SON: variants seen among roughly 807,000 people sequenced by gnomAD.
SON encodes protein SON.
Under a neutral mutation model 173.3 loss-of-function variants are expected in SON, and 4 were observed. The observed-to-expected ratio is 0.02, with a 90% CI of 0.01 to 0.05. The LOEUF is 0.05. SON is among the 10% of genes least tolerant of loss of function. The pLI, the probability that SON is intolerant of heterozygous loss-of-function variation, is 1.00. For missense variants in SON, 2,626 were observed against 3,055.3 expected (o/e 0.86, Z 3.31); for synonymous variants, 1,190 against 1,105.9 (o/e 1.08, Z -1.51).
intron 3 of SON, among the ~76,000 whole-genome samples, chr21:33,555,915 G>A (rs2085957207): frequency 6.6e-6 from 1 of 152,168 alleles, no homozygotes; most frequent in Non-Finnish European, 1.5e-5. Flanking sequence ...ATTTAATTGG[G>A]TAGGTGATAC....
At position 33,554,563 on chromosome 21, in the gene SON, A is replaced by G; in HGVS notation, c.5332A>G (p.Arg1778Gly). The G allele has an allele frequency of 1.2e-6, 2 of 1,614,092 alleles. No homozygotes were observed. The highest frequency in any genetic ancestry group is 1.7e-6 in the Non-Finnish European group (2 of 1,180,056). ...CCCGGTTGTAAGTAGTATGCCAGAA[A>G]GAGCTTCAGAGTCTTCTTCAGAGGA... is the stretch of plus-strand genomic sequence containing the variant. ...ASPVVSSMPE[R>G]ASESSSEEKD... The change falls in exon 3 of 12, where the codon AGA becomes GGA. Residue 1778 changes from arginine (R) to glycine (G), a missense_variant. This residue lies in a region of SON where 1,006 missense variants were observed against 895.6 expected (regional missense o/e 1.12). Coordinates refer to ENST00000356577, the MANE Select transcript of SON (RefSeq NM_138927.4).
At chr21:33,574,908 G>C (rs147505072) in intron 9 of SON, among the ~76,000 whole-genome samples, 1 of 152,274 alleles carries the variant, frequency 6.6e-6, no homozygotes, top group African/African-American at 2.4e-5. Flanking sequence ...AGGAAAAAAG[G>C]GACCTATTTT....
At position 33,573,304 on chromosome 21, in the gene SON, A is replaced by C; in HGVS notation, c.6886-4A>C. On this transcript the variant is annotated splice_region_variant and splice_polypyrimidine_tract_variant and intron_variant, in intron 8 of 11. Transcript: ENST00000356577. ...GGACATTTTACCTTTCTTTCTTTGG[A>C]TAGGATCAGTTCTTAAGAGCAGCCC... 1 of 1,605,040 alleles carries C rather than the reference A, an allele frequency of 6.2e-7. No individual in the cohort carries two copies. The highest frequency in any genetic ancestry group is 1.1e-5 in the South Asian group (1 of 89,732).
At chr21:33,566,026 TC>T in intron 6 of SON, among the ~76,000 whole-genome samples, 1 of 152,304 alleles carries the variant, frequency 6.6e-6, no homozygotes, top group East Asian at 1.9e-4. Flanking sequence ...TTAAGAGAAG[TC>T]TTTTATACAT....
In SON at chr21:33,549,768, C is replaced by G. The variant is rs754112189; in HGVS notation, c.537C>G (p.Thr179=). Residue 179 remains threonine (T), a synonymous_variant, in exon 3 of 12, where the codon ACC becomes ACG. Coordinates refer to ENST00000356577, the MANE Select transcript of SON (RefSeq NM_138927.4). The part of the protein sequence containing the change: ...LPTRAFGPSE[T]NESPAVVLEP... ...CAAGAGCATTTGGCCCATCTGAGAC[C>G]AATGAATCCCCTGCAGTTGTGCTAG... 9 of 1,614,156 alleles carry G rather than the reference C, an allele frequency of 5.6e-6. No individual in the cohort carries two copies. The South Asian group carries it at 8.8e-5, about 16-fold the overall frequency.
Position 33,553,250 on chromosome 21 carries a change from C to T in SON, c.4019C>T (p.Ala1340Val), listed in dbSNP as rs747858449. ...CCAGCAGTAACTACTCCAGTGCTGGCAGAGAGCATTCTGGAGCCGCCAGCC... is the reference window on the plus strand; with the variant it reads ...CCAGCAGTAACTACTCCAGTGCTGGTAGAGAGCATTCTGGAGCCGCCAGCC... ...LVPAVTTPVL[A>V]ESILEPPAMA... Residue 1340 changes from alanine to valine, a missense_variant, in exon 3 of 12, where the codon GCA becomes GTA. This residue lies in a region of SON where 1,006 missense variants were observed against 895.6 expected (regional missense o/e 1.12). Coordinates refer to ENST00000356577, the MANE Select transcript of SON (RefSeq NM_138927.4). 1.2e-6 allele frequency: 2 copies of T among 1,614,162 alleles called. No homozygotes were observed. Among genetic ancestry groups the T allele is most frequent in the Non-Finnish European group, 1.7e-6 (2 of 1,180,034 alleles).
At chr21:33,543,542 C>A in intron 1 of SON, 2 of 113,690 alleles carry the variant, frequency 1.8e-5, no homozygotes, top group Non-Finnish European at 1.5e-5. Flanking sequence ...CCCTCCCCCT[C>A]TCGCCTCCGC....
At chr21:33,558,168 T>C (rs1227131116) in intron 4 of SON, 7 of 152,892 alleles carry the variant, frequency 4.6e-5, no homozygotes, top group African/African-American at 1.7e-4. Flanking sequence ...TATTGTAATA[T>C]TTTCAATTGA....
chr21:33,551,537 G>A lies in SON; in HGVS notation c.2306G>A (p.Ser769Asn). Residue 769 changes from serine to asparagine, a missense_variant, in exon 3 of 12, where the codon AGC becomes AAC. By Grantham distance (46) the Ser-to-Asn change is conservative. Around this residue, in one of 13 missense-constraint regions of SON, gnomAD observed 182 missense variants for 193.6 expected, o/e 0.94. Transcript: ENST00000356577. ...STMDSQMLAT[S>N]SMDSQMLATS... ...ATGGACTCCCAGATGTTAGCAACTA[G>A]CTCCATGGACTCCCAGATGTTAGCA... 6.2e-7 allele frequency: 1 copy of A among 1,613,778 alleles called. No individual in the cohort carries two copies. The highest frequency in any genetic ancestry group is 8.5e-7 in the Non-Finnish European group (1 of 1,179,888).
At chr21:33,564,282 AC>A (rs1020050830) in intron 6 of SON, among the ~76,000 whole-genome samples, 8 of 152,198 alleles carry the variant, frequency 5.3e-5, no homozygotes, top group African/African-American at 1.9e-4. Flanking sequence ...CACACTAGTT[AC>A]ATTTCAAGTG....
intron 6 of SON, among the ~76,000 whole-genome samples, chr21:33,566,872 T>C (rs2086183159): frequency 6.6e-6 from 1 of 152,156 alleles, no homozygotes; most frequent in South Asian, 2.1e-4. Flanking sequence ...AATGGAACTT[T>C]CTATGATTAT....
intron 11 of SON, among the ~76,000 whole-genome samples, 158 bp from the exon 12 acceptor site, chr21:33,576,207 C>T (rs1181565760): frequency 1.7e-5 from 1 of 58,934 alleles, no homozygotes; most frequent in Non-Finnish European, 3.2e-5. Flanking sequence ...AGTCCCTTTC[C>T]CAAATGATTT....
rs2085937700 is a variant in SON at position 33,555,161 on chromosome 21, GCAGCCGCACCCC to G, written c.5938_5949del (p.Thr1980_Arg1983del). 1 of 1,521,336 alleles carries G rather than the reference GCAGCCGCACCCC, an allele frequency of 6.6e-7. No homozygotes were observed. The highest frequency in any genetic ancestry group is 8.8e-7 in the Non-Finnish European group (1 of 1,141,448). The allele number at this position is 1,521,336 out of a possible 1,614,324, so 94.2% of individuals were successfully genotyped here. On this transcript the variant is annotated inframe_deletion, in exon 3 of 12. Coordinates refer to ENST00000356577, the MANE Select transcript of SON (RefSeq NM_138927.4). ...CGCCGCAGCCGCACCCCCAGCCGCCGCAGCCGCACCCCCAGCCGCCGGAGCCGCACCCCTAGC... is the reference window on the plus strand; with the variant it reads ...CGCCGCAGCCGCACCCCCAGCCGCCGCAGCCGCCGGAGCCGCACCCCTAGC...
At chr21:33,562,793 C>A (rs1415448694) in intron 6 of SON, among the ~76,000 whole-genome samples, 1 of 152,040 alleles carries the variant, frequency 6.6e-6, no homozygotes, top group Non-Finnish European at 1.5e-5. Context: ...GGCATTAATT[C>A]TTGGTAATAA....
rs1292647773 is a variant in SON at position 33,552,644 on chromosome 21, A to C, written c.3413A>C (p.Asp1138Ala). The change falls in exon 3 of 12, where the codon GAC (aspartate) becomes GCC (alanine). Residue 1138 changes from aspartate (D) to alanine (A), a missense_variant. Coordinates refer to ENST00000356577, the MANE Select transcript of SON (RefSeq NM_138927.4). The surrounding 1 kb of genome is among the most constrained non-coding windows in gnomAD (Gnocchi z 5.6). ...AADSYTDSYTDTYTEAYMVPP... is the reference protein window; with the variant it reads ...AADSYTDSYTATYTEAYMVPP... ...GATTCTTACACCGATTCTTACACTG[A>C]CACATATACAGAGGCATATATGGTG... 4.3e-6 allele frequency: 7 copies of C among 1,614,042 alleles called. No homozygotes were observed. The highest frequency in any genetic ancestry group is 5.9e-6 in the Non-Finnish European group (7 of 1,180,006).
intron 4 of SON, chr21:33,557,846 C>T: frequency 3.9e-6 from 2 of 509,000 alleles, no homozygotes; most frequent in Non-Finnish European, 6.5e-6. Flanking sequence ...CGGCCATTAT[C>T]AGTTCTTCCT....
chr21:33,565,303 T>C (rs1161627815), intron 6 of SON, among the ~76,000 whole-genome samples: 2 of 152,222 alleles, frequency 1.3e-5, no homozygotes, highest in Non-Finnish European at 2.9e-5. Flanking sequence ...TTTTCCCCAG[T>C]ATCCTCAGAT....
intron 9 of SON, 151 bp from the exon 10 acceptor site, chr21:33,575,436 TAAAAGAGAA>T (rs1330398247): frequency 2.6e-5 from 13 of 504,120 alleles, no homozygotes; most frequent in South Asian, 7.0e-5. Flanking sequence ...TGAAAAACAG[TAAAAGAGAA>T]GAAAGAGAAG....
In SON at chr21:33,554,321, G is replaced by T. The variant is rs765258069; in HGVS notation, c.5090G>T (p.Ser1697Ile). Residue 1697 changes from serine (S) to isoleucine (I), a missense_variant, in exon 3 of 12, where the codon AGC becomes ATC. Physicochemically the swap from Ser to Ile is moderately radical, Grantham distance 142 (BLOSUM62 -2). This residue lies in a region of SON where 1,006 missense variants were observed against 895.6 expected (regional missense o/e 1.12). Transcript: ENST00000356577. Reference protein sequence around the residue: ...ESDQTLAALLSPKESSGGEKE... With the variant: ...ESDQTLAALLIPKESSGGEKE... ...GACCAGACATTAGCAGCTCTGCTCA[G>T]CCCTAAAGAAAGTAGTGGAGGAGAA... The T allele has an allele frequency of 2.5e-6, 4 of 1,614,128 alleles. No homozygotes were observed. The highest frequency in any genetic ancestry group is 3.4e-6 in the Non-Finnish European group (4 of 1,180,024).
Sources: gnomAD v4.1 joint callset for allele counts (sites outside exome capture counted in the v4.1 genomes callset) on GRCh38, gnomAD v4.1.1 for gene constraint, gnomAD v4.1.1 regional missense constraint, Gnocchi (gnomAD v3.1) non-coding constraint, MANE v1.5 for transcripts, NCBI Gene and HGNC (gene_info 2026-07-23, HGNC 2026-07-21) for gene names.